Variants in TBC1D2B observed in about 807,000 individuals in gnomAD.
TBC1D2B encodes TBC1 domain family member 2B.
A neutral mutation model predicts 100.8 loss-of-function variants in TBC1D2B; 64 were observed. The observed-to-expected ratio is 0.64, with a 90% confidence interval of 0.52 to 0.78. TBC1D2B has a LOEUF of 0.78. Among genes scored for constraint, TBC1D2B ranks in the 30% least tolerant of loss-of-function variants. The pLI, the probability that TBC1D2B is intolerant of heterozygous loss-of-function variation, is 0.00. For missense variants in TBC1D2B, 1,052 were observed against 1,218.4 expected (o/e 0.86, Z 2.03); for synonymous variants, 480 against 479.7 (o/e 1.00, Z -0.01).
At chr15:78,065,728 C>CTTG (rs968554318) in intron 1 of TBC1D2B, among the ~76,000 whole-genome samples, 2 of 152,008 alleles carry the variant, frequency 1.3e-5, no homozygotes, top group African/African-American at 4.8e-5. Flanking sequence ...CATTATTCTG[C>CTTG]TTGATGTTTT....
chr15:78,076,257 A>G (rs538900376), intron 1 of TBC1D2B, among the ~76,000 whole-genome samples: 1 of 152,270 alleles, frequency 6.6e-6, no homozygotes, highest in African/African-American at 2.4e-5. Flanking sequence ...TGTCCACTGG[A>G]GGATTAAGGG....
At chr15:78,069,961 T>G (rs1272623951) in intron 1 of TBC1D2B, among the ~76,000 whole-genome samples, 1 of 152,182 alleles carries the variant, frequency 6.6e-6, no homozygotes, top group Non-Finnish European at 1.5e-5. Context: ...TCTACGGTAT[T>G]TTTTCACAGC....
chr15:78,040,882 G>GAAAGAAAGAAAGAAAGAA (rs1471917186), intron 3 of TBC1D2B, among the ~76,000 whole-genome samples: 159 of 130,166 alleles, frequency 1.2e-3, no homozygotes, highest in African/African-American at 1.6e-3. Context: ...AAGAAAGAAA[G>GAAAGAAAGAAAGAAAGAA]AGAGAGAGAG....
At chr15:78,014,929 C>T (rs1162442843) in intron 8 of TBC1D2B, among the ~76,000 whole-genome samples, 2 of 152,108 alleles carry the variant, frequency 1.3e-5, no homozygotes, top group Non-Finnish European at 1.5e-5. Flanking sequence ...AGGCTGGGTG[C>T]GGTGGCTGAC....
chr15:78,036,214 T>C (rs2072942300), intron 3 of TBC1D2B, among the ~76,000 whole-genome samples: 1 of 152,232 alleles, frequency 6.6e-6, no homozygotes, highest in Non-Finnish European at 1.5e-5. Flanking sequence ...CATTTTTAAC[T>C]GTGTACCCCT....
intron 6 of TBC1D2B, among the ~76,000 whole-genome samples, chr15:78,020,941 C>T (rs941038019): frequency 2.6e-5 from 4 of 152,184 alleles, no homozygotes; most frequent in African/African-American, 7.2e-5. Context: ...ATGGACAACA[C>T]TGAAATCGCT....
intron 8 of TBC1D2B, among the ~76,000 whole-genome samples, chr15:78,014,942 C>T (rs141643407): frequency 0.013 from 1,973 of 152,228 alleles, 12 homozygotes; most frequent in Non-Finnish European, 0.02. Context: ...TGGCTGACAC[C>T]GGTAATCCCA....
intron 4 of TBC1D2B, among the ~76,000 whole-genome samples, chr15:78,028,106 C>T (rs751664292): frequency 6.6e-5 from 10 of 152,216 alleles, no homozygotes; most frequent in Non-Finnish European, 1.5e-4. Flanking sequence ...TAGAATCAGG[C>T]ATAAGGTGGA....
At chr15:78,018,302 T>A (rs767223188) in intron 6 of TBC1D2B, among the ~76,000 whole-genome samples, 9 of 152,160 alleles carry the variant, frequency 5.9e-5, no homozygotes, top group Non-Finnish European at 1.2e-4. Flanking sequence ...ATTGAGGTGG[T>A]TAAAAAAAAG....
intron 1 of TBC1D2B, among the ~76,000 whole-genome samples, chr15:78,059,870 C>G (rs139689699): frequency 1.3e-5 from 2 of 152,186 alleles, no homozygotes; most frequent in Non-Finnish European, 2.9e-5. Context: ...TATGGGCCCA[C>G]TCTCAGCAGG....
intron 5 of TBC1D2B, 38 bp from the exon 6 acceptor site, chr15:78,024,577 G>C: frequency 2.6e-6 from 4 of 1,545,264 alleles, no homozygotes; most frequent in Non-Finnish European, 3.5e-6. Context: ...AGGGTGAAAA[G>C]AGCAAGGAGA....
chr15:78,024,227 G>A lies in TBC1D2B; in HGVS notation c.1399C>T (p.Pro467Ser), dbSNP rs779316496. ...LSEGEGNGPP[P>S]TVAPSSPSVV... ...GAAGGGGAGCTGGGCGCCACGGTGG[G>A]AGGAGGCCCGTTGCCCTCGCCCTCG... Residue 467 changes from proline (P) to serine (S), a missense_variant, in exon 6 of 13, where the codon CCC becomes TCC. Transcript: ENST00000300584. 2 of 1,613,896 alleles carry A rather than the reference G, an allele frequency of 1.2e-6. No homozygotes were observed. Among genetic ancestry groups the A allele is most frequent in the Admixed American group, 1.7e-5 (1 of 60,028 alleles).
At chr15:78,004,873 T>C (rs993915780) in intron 10 of TBC1D2B, among the ~76,000 whole-genome samples, 1 of 152,180 alleles carries the variant, frequency 6.6e-6, no homozygotes, top group Non-Finnish European at 1.5e-5. Flanking sequence ...AAAATCCACA[T>C]GTAAGTGGAC....
chr15:78,077,403 T>G lies in TBC1D2B; in HGVS notation c.250A>C (p.Ile84Leu), dbSNP rs563823643. 1 of 1,546,356 alleles carries G rather than the reference T, an allele frequency of 6.5e-7. No homozygotes were observed. Among genetic ancestry groups the G allele is most frequent in the Non-Finnish European group, 8.7e-7 (1 of 1,145,442 alleles). ...QDALPLGHLDIADACFSYQGP... is the reference protein window; with the variant it reads ...QDALPLGHLDLADACFSYQGP... ...TGGTAGCTGAAGCAGGCGTCCGCGA[T>G]GTCCAAGTGGCCGAGGGGCAGCGCG... Residue 84 changes from isoleucine (I) to leucine (L), a missense_variant, in exon 1 of 13, where the codon ATC becomes CTC. Around this residue, in one of 4 missense-constraint regions of TBC1D2B, gnomAD observed 627 missense variants for 646.1 expected, o/e 0.97. Transcript: ENST00000300584.
At chr15:78,009,265 T>G in intron 9 of TBC1D2B, among the ~76,000 whole-genome samples, 151 bp from the exon 10 acceptor site, 1 of 152,218 alleles carries the variant, frequency 6.6e-6, no homozygotes, top group Non-Finnish European at 1.5e-5. Context: ...CCTGGCTTAA[T>G]GGCTCACGCC....
intron 6 of TBC1D2B, 113 bp downstream of exon 6, chr15:78,024,043 A>T (rs2072586339): frequency 1.7e-6 from 2 of 1,146,986 alleles, no homozygotes; most frequent in African/African-American, 1.6e-5. Context: ...GGGAAAAAAA[A>T]TAAGTGTGCA....
chr15:78,021,481 C>G (rs977750961), intron 6 of TBC1D2B, among the ~76,000 whole-genome samples: 2 of 152,224 alleles, frequency 1.3e-5, no homozygotes, highest in Non-Finnish European at 2.9e-5. Flanking sequence ...CTCTTTCTCC[C>G]TGGAGCCTTT....
intron 1 of TBC1D2B, among the ~76,000 whole-genome samples, chr15:78,076,382 G>C (rs895903519): frequency 1.9e-4 from 29 of 152,176 alleles, no homozygotes; most frequent in African/African-American, 6.5e-4. Context: ...ACCTTAGCTG[G>C]AGCATCCCCG....
In TBC1D2B at chr15:78,009,066, C is replaced by T; in HGVS notation, c.2319G>A (p.Trp773Ter). The T allele has an allele frequency of 6.2e-7, 1 of 1,608,808 alleles. No homozygotes were observed. The highest frequency in any genetic ancestry group is 8.5e-7 in the Non-Finnish European group (1 of 1,177,468). ...AAACTTCCACTATGGTAACGAGACACCAGAAAGCATCTTCTTGTTCCAGGT... is the reference window on the plus strand; with the variant it reads ...AAACTTCCACTATGGTAACGAGACATCAGAAAGCATCTTCTTGTTCCAGGT... ...LLYLEQEDAF[W>*]CLVTIVEVFM... The change falls in exon 10 of 13, where the codon TGG becomes TGA. Residue 773 changes from tryptophan to a stop codon, truncating the protein, a stop_gained. Transcript: ENST00000300584. LOFTEE classifies it high-confidence loss of function.
Sources: gnomAD v4.1 joint callset for allele counts (sites outside exome capture counted in the v4.1 genomes callset) on GRCh38, gnomAD v4.1.1 for gene constraint, gnomAD v4.1.1 regional missense constraint, MANE v1.5 for transcripts, NCBI Gene and HGNC (gene_info 2026-07-23, HGNC 2026-07-21) for gene names.